COL13A1: variants seen among roughly 807,000 people sequenced by gnomAD.
COL13A1 encodes the protein collagen type XIII alpha 1 chain, also known as collagen alpha-1(XIII) chain.
A neutral mutation model predicts 130.9 loss-of-function variants in COL13A1; 89 were observed. The observed-to-expected ratio is 0.68, with a 90% CI of 0.57 to 0.81. The LOEUF is 0.81. Among genes scored for constraint, COL13A1 ranks in the 30% least tolerant of loss-of-function variants. The probability of loss-of-function intolerance (pLI) is 0.00; values close to 1 mark genes in which losing one functional copy is unlikely to be tolerated. For missense variants in COL13A1, 879 were observed against 934.6 expected (o/e 0.94, Z 0.78); for synonymous variants, 402 against 341.6 (o/e 1.18, Z -1.95).
chr10:69,923,209 G>A (rs148895100), intron 23 of COL13A1, among the ~76,000 whole-genome samples: 179 of 152,304 alleles, frequency 1.2e-3, no homozygotes, highest in African/African-American at 3.9e-3. Context: ...CCCCACCTTG[G>A]CTCTGAGTAG....
chr10:69,957,841 C>A (rs765088781), intron 40 of COL13A1, among the ~76,000 whole-genome samples: 3 of 152,280 alleles, frequency 2.0e-5, no homozygotes, highest in Non-Finnish European at 4.4e-5. Flanking sequence ...GTCTTCTCAC[C>A]AACCCCCCAC....
intron 32 of COL13A1, 22 bp from the exon 33 acceptor site, chr10:69,936,734 C>G (rs769806760): frequency 6.2e-7 from 1 of 1,613,798 alleles, no homozygotes; most frequent in Non-Finnish European, 8.5e-7. Context: ...TTCTAATGCA[C>G]CTTGCTTTAT....
At chr10:69,900,602 A>G (rs142140111) in intron 14 of COL13A1, among the ~76,000 whole-genome samples, 88 of 152,376 alleles carry the variant, frequency 5.8e-4, no homozygotes, top group Middle Eastern at 6.8e-3. Flanking sequence ...ATTTCTTATC[A>G]ATAAACCAAT....
intron 3 of COL13A1, among the ~76,000 whole-genome samples, chr10:69,871,971 A>G (rs1308025217): frequency 2.0e-5 from 3 of 152,246 alleles, no homozygotes; most frequent in Non-Finnish European, 4.4e-5. Context: ...TGGCAGAGCC[A>G]AGAGGTGAAC....
intron 3 of COL13A1, among the ~76,000 whole-genome samples, 185 bp from the exon 4 acceptor site, chr10:69,871,998 CA>C (rs2059117549): frequency 6.6e-6 from 1 of 152,182 alleles, no homozygotes; most frequent in Admixed American, 6.5e-5. Context: ...GGGCTTTCTT[CA>C]GAGCCAGAAC....
Position 69,930,529 on chromosome 10 carries a change from G to C in COL13A1, c.1660G>C (p.Glu554Gln). ...CCCAGGAGAGAAGGGGGAAAAAGGG[G>C]AGACAGGACAAGCAGGCTCACCGGT... Reference protein sequence around the residue: ...GSPGEKGEKGETGQAGSPGEK... With the variant: ...GSPGEKGEKGQTGQAGSPGEK... The change falls in exon 30 of 41, where the codon GAG becomes CAG. Residue 554 changes from glutamate to glutamine, a missense_variant. Physicochemically the swap from Glu to Gln is conservative, Grantham distance 29. Coordinates refer to ENST00000645393, the MANE Select transcript of COL13A1 (RefSeq NM_001368882.1). The C allele has an allele frequency of 6.2e-7, 1 of 1,613,766 alleles. No homozygotes were observed. Among genetic ancestry groups the C allele is most frequent in the Non-Finnish European group, 8.5e-7 (1 of 1,179,758 alleles).
At chr10:69,860,468 A>C (rs1589128021) in intron 2 of COL13A1, among the ~76,000 whole-genome samples, 1 of 152,296 alleles carries the variant, frequency 6.6e-6, no homozygotes, top group Non-Finnish European at 1.5e-5. Context: ...AATGAGAAAA[A>C]TAATTCTGAG....
rs77040403 is a variant in COL13A1 at position 69,881,082 on chromosome 10, G to A, written c.513+529G>A. ...CGTGGCTGGGAGCTTGAGAAAACCA[G>A]CGAGGCTCCCCTCACATGTGCTTCC... On this transcript the variant is annotated intron_variant, in intron 7 of 40. Transcript: ENST00000645393. Among the ~76,000 whole-genome samples, 160 of 152,366 alleles carry A rather than the reference G, an allele frequency of 1.1e-3. 4 individuals are homozygous for A. The East Asian group carries it at 0.03, about 28-fold the overall frequency.
At chr10:69,900,402 C>T (rs943731665) in intron 14 of COL13A1, among the ~76,000 whole-genome samples, 2 of 152,210 alleles carry the variant, frequency 1.3e-5, no homozygotes, top group Non-Finnish European at 2.9e-5. Context: ...TCCATCCAGG[C>T]CACTGCATGT....
intron 1 of COL13A1, among the ~76,000 whole-genome samples, chr10:69,816,905 T>TA (rs1274942962): frequency 2.0e-5 from 3 of 152,102 alleles, no homozygotes; most frequent in African/African-American, 7.2e-5. Context: ...ATCCAGGAGT[T>TA]TTTCTAGGGA....
In COL13A1 at chr10:69,894,685, G is replaced by A. The variant is rs755923400; in HGVS notation, c.641G>A (p.Gly214Glu). 3.1e-6 allele frequency: 5 copies of A among 1,613,980 alleles called. No individual in the cohort carries two copies. The highest frequency in any genetic ancestry group is 8.5e-7 in the Non-Finnish European group (1 of 1,179,874). ...TCCGTCTCTTTGTAGGGACCCCAGGGACAAAAAGGAGAAAAGGTAAGAGCA... is the reference window on the plus strand; with the variant it reads ...TCCGTCTCTTTGTAGGGACCCCAGGAACAAAAAGGAGAAAAGGTAAGAGCA... ...TGPPGQPGPQ[G>E]QKGEKGQCGE... The change falls in exon 12 of 41, where the codon GGA (glycine) becomes GAA (glutamate). Residue 214 changes from glycine to glutamate, a missense_variant. By Grantham distance (98) the Gly-to-Glu change is moderately conservative. This residue lies in a region of COL13A1 where 715 missense variants were observed against 721.0 expected (regional missense o/e 0.99). Coordinates refer to ENST00000645393, the MANE Select transcript of COL13A1 (RefSeq NM_001368882.1).
chr10:69,912,212 G>A (rs1033447403), intron 17 of COL13A1, among the ~76,000 whole-genome samples: 2 of 152,090 alleles, frequency 1.3e-5, no homozygotes, highest in African/African-American at 4.8e-5. Flanking sequence ...TTTCTTTTTG[G>A]AACTAACTAC....
At chr10:69,923,936 G>C (rs762110979) in intron 24 of COL13A1, 81 bp downstream of exon 24, 1 of 1,539,026 alleles carries the variant, frequency 6.5e-7, no homozygotes, top group African/African-American at 1.4e-5. Flanking sequence ...GACCCTAGGG[G>C]TATCCCTCAG....
At chr10:69,822,788 G>T (rs1262096109) in intron 2 of COL13A1, among the ~76,000 whole-genome samples, 1 of 152,238 alleles carries the variant, frequency 6.6e-6, no homozygotes. Context: ...GAGGCACCTT[G>T]CTTGCTGTGT....
At chr10:69,825,713 T>C (rs1163883110) in intron 2 of COL13A1, among the ~76,000 whole-genome samples, 1 of 152,188 alleles carries the variant, frequency 6.6e-6, no homozygotes, top group Non-Finnish European at 1.5e-5. Flanking sequence ...GGTGGGTGTG[T>C]TCTTCCTTGT....
rs2067504147 is a variant in COL13A1, at chr10:69,940,723, G to A, written c.1879-265G>A. 3.9e-5 allele frequency among the ~76,000 whole-genome samples: 6 copies of A among 152,290 alleles called. No individual in the cohort carries two copies. In the South Asian group the frequency reaches 1.2e-3, roughly 32 times the overall value. On this transcript the variant is annotated intron_variant, in intron 34 of 40. Coordinates refer to ENST00000645393, the MANE Select transcript of COL13A1 (RefSeq NM_001368882.1). ...GGGAGAGAGGAGAAGGGGGGCGGGAGGAGCAGGTGGCCATCTGCGCCGACC... is the reference window on the plus strand; with the variant it reads ...GGGAGAGAGGAGAAGGGGGGCGGGAAGAGCAGGTGGCCATCTGCGCCGACC...
chr10:69,810,376 G>GAGAGACAGAGAC (rs1842723896), intron 1 of COL13A1, among the ~76,000 whole-genome samples: 6 of 133,916 alleles, frequency 4.5e-5, no homozygotes, highest in African/African-American at 5.7e-5. Context: ...GAGAGAGAGA[G>GAGAGACAGAGAC]AGAGACAGAG....
chr10:69,912,015 G>A (rs1008092681), intron 17 of COL13A1, among the ~76,000 whole-genome samples: 21 of 152,204 alleles, frequency 1.4e-4, no homozygotes, highest in Non-Finnish European at 2.6e-4. Context: ...TGCTAGTGCG[G>A]GGACAGCATT....
Position 69,842,455 on chromosome 10 carries a change from C to T in COL13A1, c.364+20017C>T, listed in dbSNP as rs1851862528. ...AATAACCAAGTGCCCTGACACTAAG[C>T]CCTTATAGGATGTCCATGCTCTGTA... is the stretch of plus-strand genomic sequence containing the variant. On this transcript the variant is annotated intron_variant, in intron 2 of 40. Coordinates refer to ENST00000645393, the MANE Select transcript of COL13A1 (RefSeq NM_001368882.1). Among the ~76,000 whole-genome samples, 4 of 152,304 alleles carry T rather than the reference C, an allele frequency of 2.6e-5. No homozygotes were observed. The South Asian group carries it at 8.3e-4, about 32-fold the overall frequency.
Sources: gnomAD v4.1 joint callset for allele counts (sites outside exome capture counted in the v4.1 genomes callset) on GRCh38, gnomAD v4.1.1 for gene constraint, gnomAD v4.1.1 regional missense constraint, MANE v1.5 for transcripts, NCBI Gene and HGNC (gene_info 2026-07-23, HGNC 2026-07-21) for gene names.